Variants in GSTCD observed in about 807,000 individuals in gnomAD.
The protein encoded by GSTCD is glutathione S-transferase C-terminal domain-containing protein.
A neutral mutation model predicts 68.3 loss-of-function variants in GSTCD; 44 were observed. That is an observed-to-expected ratio of 0.64 (90% CI 0.51 to 0.83). The LOEUF is 0.83. Among genes scored for constraint, GSTCD ranks in the 40% least tolerant of loss-of-function variants. The pLI is 0.00. For synonymous variants in GSTCD, 273 were observed against 255.2 expected (o/e 1.07, Z -0.67); for missense variants, 739 against 735.9 (o/e 1.00, Z -0.05).
chr4:105,744,047 G>T (rs560487491), intron 5 of GSTCD, among the ~76,000 whole-genome samples: 1 of 152,144 alleles, frequency 6.6e-6, no homozygotes, highest in African/African-American at 2.4e-5. Context: ...CTATAGTCTG[G>T]CAGATTTTGG....
At chr4:105,750,416 C>T (rs1318739690) in intron 5 of GSTCD, among the ~76,000 whole-genome samples, 4 of 148,534 alleles carry the variant, frequency 2.7e-5, no homozygotes, top group African/African-American at 5.0e-5. Context: ...GCCGAGATTG[C>T]GCCATTGCAC....
At chr4:105,793,343 A>G (rs145633194) in intron 5 of GSTCD, among the ~76,000 whole-genome samples, 1 of 151,620 alleles carries the variant, frequency 6.6e-6, no homozygotes, top group Non-Finnish European at 1.5e-5. Flanking sequence ...TCTCTGATCA[A>G]TCTGTTTTCA....
At chr4:105,834,692 C>T in intron 9 of GSTCD, 98 bp downstream of exon 9, 1 of 1,029,016 alleles carries the variant, frequency 9.7e-7, no homozygotes, top group South Asian at 1.8e-5. Context: ...ATTTTTGGCT[C>T]ATTTCTTCTT....
intron 9 of GSTCD, 71 bp from the exon 10 acceptor site, chr4:105,837,788 T>A (rs1578525633): frequency 1.5e-6 from 1 of 658,098 alleles, no homozygotes; most frequent in Non-Finnish European, 2.6e-6. Context: ...TTTTATATAA[T>A]TTAGTTTCTT....
intron 5 of GSTCD, among the ~76,000 whole-genome samples, chr4:105,770,948 C>T (rs1030187745): frequency 6.6e-6 from 1 of 152,226 alleles, no homozygotes; most frequent in Non-Finnish European, 1.5e-5. Context: ...AATCGCCACA[C>T]TGTCTTCCAC....
intron 8 of GSTCD, among the ~76,000 whole-genome samples, chr4:105,828,244 ATTGT>A (rs1003737482): frequency 6.6e-6 from 1 of 152,164 alleles, no homozygotes. Context: ...ATTTTTAATT[ATTGT>A]TTATCACTCA....
intron 5 of GSTCD, among the ~76,000 whole-genome samples, chr4:105,794,566 C>T (rs1030842298): frequency 6.6e-6 from 1 of 151,494 alleles, no homozygotes; most frequent in Non-Finnish European, 1.5e-5. Context: ...TTATTATGAA[C>T]CTAAAACTGC....
intron 5 of GSTCD, among the ~76,000 whole-genome samples, chr4:105,774,331 G>T (rs574256977): frequency 1.8e-4 from 28 of 151,890 alleles, no homozygotes; most frequent in Non-Finnish European, 3.1e-4. Flanking sequence ...TCTTTTAATT[G>T]GGGCATTTAG....
At chr4:105,818,888 G>A (rs1723140527) in intron 5 of GSTCD, among the ~76,000 whole-genome samples, 1 of 151,694 alleles carries the variant, frequency 6.6e-6, no homozygotes, top group South Asian at 2.1e-4. Context: ...ATGGCAGAGA[G>A]CATCAATTGG....
chr4:105,840,957 T>C (rs1357966793), intron 10 of GSTCD, among the ~76,000 whole-genome samples: 2 of 152,074 alleles, frequency 1.3e-5, no homozygotes, highest in Admixed American at 6.6e-5. Flanking sequence ...CTGCTGGATA[T>C]CCCAGAAAAC....
intron 5 of GSTCD, among the ~76,000 whole-genome samples, chr4:105,756,381 C>T (rs534362540): frequency 1.5e-4 from 23 of 151,984 alleles, no homozygotes; most frequent in African/African-American, 5.5e-4. Flanking sequence ...ACCCCTTGTT[C>T]AGAAGTCCAC....
chr4:105,827,686 A>G (rs1256699807), intron 8 of GSTCD, among the ~76,000 whole-genome samples: 1 of 152,186 alleles, frequency 6.6e-6, no homozygotes, highest in Non-Finnish European at 1.5e-5. Flanking sequence ...AGAGGAAAGC[A>G]GAATAACCAG....
chr4:105,810,325 G>A (rs905447388), intron 5 of GSTCD, among the ~76,000 whole-genome samples: 13 of 151,988 alleles, frequency 8.6e-5, no homozygotes, highest in African/African-American at 3.1e-4. Context: ...AAGACCTCAA[G>A]TCTGATTTTA....
chr4:105,752,773 T>C (rs1734051195), intron 5 of GSTCD, among the ~76,000 whole-genome samples: 1 of 152,102 alleles, frequency 6.6e-6, no homozygotes, highest in Non-Finnish European at 1.5e-5. Flanking sequence ...AAAGGTATAC[T>C]TAAGTATTAA....
chr4:105,757,892 C>T (rs1370073507), intron 5 of GSTCD, among the ~76,000 whole-genome samples: 1 of 152,028 alleles, frequency 6.6e-6, no homozygotes, highest in Non-Finnish European at 1.5e-5. Context: ...TTTTAAAAAG[C>T]AGTAAACTAA....
intron 5 of GSTCD, among the ~76,000 whole-genome samples, chr4:105,749,250 G>T (rs1733921581): frequency 6.6e-6 from 1 of 151,538 alleles, no homozygotes; most frequent in South Asian, 2.1e-4. Context: ...ATTTTAAAAG[G>T]TTTTTAAAAA....
At chr4:105,842,158 G>T in intron 11 of GSTCD, 24 bp downstream of exon 11, 2 of 1,594,172 alleles carry the variant, frequency 1.3e-6, no homozygotes, top group South Asian at 1.1e-5. Flanking sequence ...CAGAGCAGCT[G>T]TTGAGTGTAT....
chr4:105,800,881 CATCTT>C (rs1472358214), intron 5 of GSTCD, among the ~76,000 whole-genome samples: 1 of 152,200 alleles, frequency 6.6e-6, no homozygotes, highest in East Asian at 1.9e-4. Context: ...TATTTAAAGA[CATCTT>C]ATTTAATATA....
At position 105,717,608 on chromosome 4, in the gene GSTCD, A is replaced by G; in HGVS notation, c.-6A>G. 5.2e-6 allele frequency: 8 copies of G among 1,541,278 alleles called. No individual in the cohort carries two copies. Among genetic ancestry groups the G allele is most frequent in the Non-Finnish European group, 7.0e-6 (8 of 1,149,822 alleles). On this transcript the variant is annotated 5_prime_UTR_variant, in exon 2 of 12. Transcript: ENST00000515279. ...TATACTTTAGGTGACCCAATGAAAG[A>G]AGAAAATGAAAGCCATAAAGAAAAG...
Sources: allele counts gnomAD v4.1 joint callset (sites outside exome capture counted in the v4.1 genomes callset), GRCh38; gene constraint gnomAD v4.1.1; transcripts MANE v1.5; gene names NCBI Gene and HGNC (gene_info 2026-07-23, HGNC 2026-07-21).